The following LRRTM3 variants were observed in gnomAD, a reference collection of about 807,000 sequenced individuals.
The protein encoded by LRRTM3 is leucine-rich repeat transmembrane neuronal protein 3.
LRRTM3 carries 24 observed loss-of-function variants against 44.7 expected under a neutral mutation model. The observed-to-expected ratio is 0.54, with a 90% CI of 0.39 to 0.76. The LOEUF (loss-of-function observed/expected upper bound fraction) is 0.76, where lower values mean the gene tolerates loss of function less well. Among genes scored for constraint, LRRTM3 ranks in the 30% least tolerant of loss-of-function variants. LRRTM3 has a pLI of 0.00. For missense variants in LRRTM3, 587 were observed against 702.2 expected (o/e 0.84, Z 1.85); for synonymous variants, 277 against 278.7 (o/e 0.99, Z 0.06).
At chr10:66,996,448 C>A (rs779733363) in intron 2 of LRRTM3, among the ~76,000 whole-genome samples, 1 of 151,850 alleles carries the variant, frequency 6.6e-6, no homozygotes, top group Non-Finnish European at 1.5e-5. Context: ...GAGTTTGAGA[C>A]CAGGCTGGGC....
intron 2 of LRRTM3, among the ~76,000 whole-genome samples, chr10:67,074,419 C>T (rs1196017348): frequency 7.3e-6 from 1 of 136,142 alleles, no homozygotes; most frequent in Non-Finnish European, 1.5e-5. Context: ...GGCACGATCT[C>T]GGCTCACTGC....
At chr10:67,032,403 A>C (rs866932561) in intron 2 of LRRTM3, among the ~76,000 whole-genome samples, 2 of 152,160 alleles carry the variant, frequency 1.3e-5, no homozygotes, top group South Asian at 2.1e-4. Flanking sequence ...CAATAAAATC[A>C]TATTTAACGG....
At chr10:67,012,291 A>AT (rs1336555007) in intron 2 of LRRTM3, 1 of 152,148 alleles carries the variant, frequency 6.6e-6, no homozygotes, top group Non-Finnish European at 1.5e-5. Context: ...AGAGAACTGA[A>AT]ACCCAGAGAA....
At chr10:67,042,705 G>A (rs985962988) in intron 2 of LRRTM3, among the ~76,000 whole-genome samples, 1 of 152,062 alleles carries the variant, frequency 6.6e-6, no homozygotes, top group Non-Finnish European at 1.5e-5. Flanking sequence ...AAAAAAAGAG[G>A]TGGTCAGCAA....
chr10:66,952,529 G>A (rs1191876837), intron 2 of LRRTM3, among the ~76,000 whole-genome samples: 1 of 151,910 alleles, frequency 6.6e-6, no homozygotes, highest in Non-Finnish European at 1.5e-5. Flanking sequence ...AATTAATTGT[G>A]TGTGTATTTA....
At chr10:67,092,997 C>A (rs1381107457) in intron 2 of LRRTM3, among the ~76,000 whole-genome samples, 3 of 151,774 alleles carry the variant, frequency 2.0e-5, no homozygotes, top group Non-Finnish European at 4.4e-5. Flanking sequence ...GTTTTTATAC[C>A]CCTGAATCTC....
chr10:67,063,383 T>C (rs1330142336), intron 2 of LRRTM3, among the ~76,000 whole-genome samples: 55 of 152,174 alleles, frequency 3.6e-4, no homozygotes, highest in Admixed American at 3.6e-3. Flanking sequence ...GATAAAAATA[T>C]ATGCCTTTAA....
At chr10:67,047,076 C>T (rs957356891) in intron 2 of LRRTM3, among the ~76,000 whole-genome samples, 2 of 152,122 alleles carry the variant, frequency 1.3e-5, no homozygotes, top group Admixed American at 1.3e-4. Context: ...TCTGCTTATC[C>T]AGAGATGAGT....
chr10:67,048,893 C>T (rs1854914274), intron 2 of LRRTM3, among the ~76,000 whole-genome samples: 1 of 152,150 alleles, frequency 6.6e-6, no homozygotes, highest in South Asian at 2.1e-4. Flanking sequence ...ACTTTATTAT[C>T]CTGCTGAAGT....
chr10:67,002,074 GC>G (rs1476265768), intron 2 of LRRTM3, among the ~76,000 whole-genome samples: 1 of 152,104 alleles, frequency 6.6e-6, no homozygotes, highest in East Asian at 1.9e-4. Context: ...ACTTTTAGGA[GC>G]TCAGTTTCTT....
chr10:66,998,309 C>A (rs1851472072), intron 2 of LRRTM3, among the ~76,000 whole-genome samples: 1 of 152,000 alleles, frequency 6.6e-6, no homozygotes, highest in Non-Finnish European at 1.5e-5. Context: ...GTACTAGTTG[C>A]AGGAATAAAA....
Position 66,926,503 on chromosome 10 carries a change from T to G in LRRTM3, c.-81T>G. On this transcript the variant is annotated 5_prime_UTR_variant, in exon 1 of 3. Transcript: ENST00000361320. The stretch of plus-strand genomic sequence containing the variant: ...GTCAGCGAGCCCTGACTCACTACAG[T>G]GCAGCTGACAGGGGCTGTCATGCAA... 6.5e-7 allele frequency: 1 copy of G among 1,541,420 alleles called. No homozygotes were observed. Among genetic ancestry groups the G allele is most frequent in the Non-Finnish European group, 8.9e-7 (1 of 1,118,296 alleles).
intron 2 of LRRTM3, among the ~76,000 whole-genome samples, chr10:67,095,681 C>T (rs1857947823): frequency 6.6e-6 from 1 of 151,776 alleles, no homozygotes; most frequent in South Asian, 2.1e-4. Context: ...AATGATTCTG[C>T]ATATATGAGG....
chr10:67,058,595 C>T (rs905034086), intron 2 of LRRTM3, among the ~76,000 whole-genome samples: 1 of 152,144 alleles, frequency 6.6e-6, no homozygotes, highest in African/African-American at 2.4e-5. Context: ...TCCTCCATTG[C>T]CCTGCAAGGC....
intron 2 of LRRTM3, among the ~76,000 whole-genome samples, chr10:66,958,470 TA>T (rs910398956): frequency 8.7e-5 from 13 of 149,704 alleles, no homozygotes; most frequent in Non-Finnish European, 1.2e-4. Flanking sequence ...CTTTTTTTTT[TA>T]AAAAAAATAG....
At chr10:67,017,361 TTA>T (rs1852721416) in intron 2 of LRRTM3, among the ~76,000 whole-genome samples, 1 of 152,188 alleles carries the variant, frequency 6.6e-6, no homozygotes, top group Non-Finnish European at 1.5e-5. Flanking sequence ...CTGTTTCTGA[TTA>T]GAATCTAGGA....
intron 2 of LRRTM3, among the ~76,000 whole-genome samples, chr10:67,051,577 A>G (rs1925601): frequency 0.98 from 149,167 of 151,478 alleles, 73,474 homozygotes; most frequent in East Asian, 1. Flanking sequence ...CTCCTGCCTC[A>G]ATCAGGAGAT....
chr10:67,015,923 T>C (rs1407769179), intron 2 of LRRTM3, among the ~76,000 whole-genome samples: 1 of 152,128 alleles, frequency 6.6e-6, no homozygotes, highest in Non-Finnish European at 1.5e-5. Context: ...GTTTATTCTA[T>C]TTGTGTTGCT....
At chr10:67,094,438 A>G (rs1857843516) in intron 2 of LRRTM3, among the ~76,000 whole-genome samples, 3 of 151,974 alleles carry the variant, frequency 2.0e-5, no homozygotes, top group South Asian at 4.1e-4. Flanking sequence ...TAATGTAAAC[A>G]TCTAGTAAAT....
Sources: gnomAD v4.1 joint callset for allele counts (sites outside exome capture counted in the v4.1 genomes callset) on GRCh38, gnomAD v4.1.1 for gene constraint, MANE v1.5 for transcripts, NCBI Gene and HGNC (gene_info 2026-07-23, HGNC 2026-07-21) for gene names.